Variants in TMEM132C observed in about 807,000 individuals in gnomAD.
TMEM132C encodes transmembrane protein 132C, also known as protein phosphatase 1, regulatory subunit 152.
In TMEM132C, 29 loss-of-function variants were observed where a neutral mutation model predicts 61.4. That is an observed-to-expected ratio of 0.47 (90% confidence interval 0.35 to 0.64). The LOEUF (loss-of-function observed/expected upper bound fraction) is 0.64, where lower values mean the gene tolerates loss of function less well. Among genes scored for constraint, TMEM132C ranks in the 30% least tolerant of loss-of-function variants. The pLI, the probability that TMEM132C is intolerant of heterozygous loss-of-function variation, is 0.00. For missense variants in TMEM132C, 1,408 were observed against 1,476.9 expected (o/e 0.95, Z 0.76); for synonymous variants, 656 against 633.1 (o/e 1.04, Z -0.54).
At chr12:128,290,337 G>GGA (rs374065598) in intron 1 of TMEM132C, among the ~76,000 whole-genome samples, 2 of 151,926 alleles carry the variant, frequency 1.3e-5, no homozygotes, top group Non-Finnish European at 2.9e-5. Context: ...CATGGCAGCA[G>GGA]GAGAGAGAGA....
chr12:128,474,356 G>A (rs1420926573), intron 2 of TMEM132C, among the ~76,000 whole-genome samples: 3 of 152,118 alleles, frequency 2.0e-5, no homozygotes, highest in South Asian at 2.1e-4. Flanking sequence ...TATGTTCCTG[G>A]ATAGGCAGTA....
At chr12:128,349,183 TG>T (rs1441101821) in intron 1 of TMEM132C, among the ~76,000 whole-genome samples, 1 of 152,208 alleles carries the variant, frequency 6.6e-6, no homozygotes, top group African/African-American at 2.4e-5. Context: ...TTTGTATTTT[TG>T]GTAGAGACGG....
chr12:128,597,737 A>G (rs1206709487), intron 3 of TMEM132C, among the ~76,000 whole-genome samples: 1 of 152,180 alleles, frequency 6.6e-6, no homozygotes, highest in Non-Finnish European at 1.5e-5. Context: ...ACCAAACAAG[A>G]TTTCCAATGG....
chr12:128,532,048 T>C (rs1184457609), intron 2 of TMEM132C, among the ~76,000 whole-genome samples: 2 of 152,348 alleles, frequency 1.3e-5, no homozygotes, highest in East Asian at 3.9e-4. Context: ...TGTTGAAAGA[T>C]TTCAGATACA....
chr12:128,324,827 CAA>C (rs1872452441), intron 1 of TMEM132C, among the ~76,000 whole-genome samples: 1 of 151,968 alleles, frequency 6.6e-6, no homozygotes, highest in Admixed American at 6.6e-5. Flanking sequence ...GACCCTACCT[CAA>C]AAAAATTTTA....
chr12:128,548,625 A>T (rs562582562), intron 3 of TMEM132C, among the ~76,000 whole-genome samples: 20 of 152,308 alleles, frequency 1.3e-4, no homozygotes, highest in Non-Finnish European at 1.8e-4. Flanking sequence ...CATAGGTTCT[A>T]GGCACTAGGA....
At chr12:128,493,491 G>C (rs559056219) in intron 2 of TMEM132C, among the ~76,000 whole-genome samples, 1 of 152,292 alleles carries the variant, frequency 6.6e-6, no homozygotes, top group African/African-American at 2.4e-5. Context: ...AGCATGGAAT[G>C]TTCTTCCATT....
At chr12:128,672,193 C>T (rs1052124376) in intron 5 of TMEM132C, among the ~76,000 whole-genome samples, 4 of 151,894 alleles carry the variant, frequency 2.6e-5, no homozygotes, top group African/African-American at 9.7e-5. Flanking sequence ...ACACTGAAAT[C>T]GAAACTAGCC....
At chr12:128,534,249 A>G (rs1021410549) in intron 2 of TMEM132C, among the ~76,000 whole-genome samples, 32 of 152,208 alleles carry the variant, frequency 2.1e-4, no homozygotes, top group African/African-American at 6.3e-4. Context: ...CCTGAGTAGG[A>G]GCATCAGTGA....
At chr12:128,446,949 G>A (rs1057105683) in intron 2 of TMEM132C, among the ~76,000 whole-genome samples, 5 of 152,202 alleles carry the variant, frequency 3.3e-5, no homozygotes, top group African/African-American at 1.2e-4. Flanking sequence ...GAGTAAGGTA[G>A]GAGAAATGTC....
chr12:128,589,761 T>A (rs997777744), intron 3 of TMEM132C, among the ~76,000 whole-genome samples: 50 of 148,252 alleles, frequency 3.4e-4, no homozygotes, highest in African/African-American at 1.3e-3. Flanking sequence ...TTTGAATTCC[T>A]TTTTTTTCCC....
At chr12:128,446,779 T>C (rs1455225908) in intron 2 of TMEM132C, among the ~76,000 whole-genome samples, 1 of 152,172 alleles carries the variant, frequency 6.6e-6, no homozygotes, top group Non-Finnish European at 1.5e-5. Flanking sequence ...GAAGCAGCGA[T>C]ATATTATGAA....
intron 1 of TMEM132C, among the ~76,000 whole-genome samples, chr12:128,267,725 A>AC (rs1471322234): frequency 6.6e-6 from 1 of 151,664 alleles, no homozygotes; most frequent in Non-Finnish European, 1.5e-5. Context: ...CCCACCCCGG[A>AC]CCCCCCAGAC....
intron 2 of TMEM132C, among the ~76,000 whole-genome samples, chr12:128,482,060 T>TA (rs771366275): frequency 1.4e-4 from 21 of 152,220 alleles, no homozygotes; most frequent in Non-Finnish European, 2.9e-4. Context: ...TATTTTGAGA[T>TA]ACGTTCCATT....
chr12:128,623,451 A>G (rs1400790877), intron 4 of TMEM132C, among the ~76,000 whole-genome samples: 1 of 144,496 alleles, frequency 6.9e-6, no homozygotes, highest in African/African-American at 2.7e-5. Flanking sequence ...ATATAATTTT[A>G]AAAAAATGAA....
intron 1 of TMEM132C, among the ~76,000 whole-genome samples, chr12:128,308,746 G>A (rs61938405): frequency 0.013 from 1,970 of 152,262 alleles, 24 homozygotes; most frequent in Non-Finnish European, 0.017. Context: ...AGCATCAGCT[G>A]AGCACCGTGC....
At chr12:128,405,367 C>T (rs1455163339) in intron 1 of TMEM132C, among the ~76,000 whole-genome samples, 1 of 152,152 alleles carries the variant, frequency 6.6e-6, no homozygotes, top group Non-Finnish European at 1.5e-5. Context: ...CAGATGGACC[C>T]TGCACAGGTT....
At chr12:128,580,039 G>C (rs1202640463) in intron 3 of TMEM132C, among the ~76,000 whole-genome samples, 1 of 152,192 alleles carries the variant, frequency 6.6e-6, no homozygotes, top group Non-Finnish European at 1.5e-5. Flanking sequence ...GATCCAGAAA[G>C]ACACAGGTTC....
At chr12:128,366,117 G>C (rs1201953286) in intron 1 of TMEM132C, among the ~76,000 whole-genome samples, 2 of 152,204 alleles carry the variant, frequency 1.3e-5, no homozygotes, top group Non-Finnish European at 2.9e-5. Context: ...TGTGTTGCAA[G>C]GATGAGGCGC....
Sources: allele counts gnomAD v4.1 joint callset (sites outside exome capture counted in the v4.1 genomes callset), GRCh38; gene constraint gnomAD v4.1.1; transcripts MANE v1.5; gene names NCBI Gene and HGNC (gene_info 2026-07-23, HGNC 2026-07-21).